The following CLCNKA variants were observed in gnomAD, a reference collection of about 807,000 sequenced individuals.
CLCNKA encodes the protein chloride voltage-gated channel Ka, also known as chloride channel protein ClC-Ka.
In CLCNKA, 66 loss-of-function variants were observed where a neutral mutation model predicts 83.3. That is an observed-to-expected ratio of 0.79 (90% CI 0.65 to 0.97). CLCNKA has a LOEUF of 0.97. Ranked by LOEUF, CLCNKA falls within the 50% of genes least tolerant of loss-of-function variation. The pLI, the probability that CLCNKA is intolerant of heterozygous loss-of-function variation, is 0.00. For missense variants in CLCNKA, 806 were observed against 888.7 expected, an observed-to-expected ratio of 0.91 and a Z score of 1.18; for synonymous variants, 357 against 370.4, an observed-to-expected ratio of 0.96 and a Z score of 0.42.
chr1:16,029,737 A>T lies in CLCNKA; in HGVS notation c.1234A>T (p.Met412Leu), dbSNP rs1040312520. 1 of 1,614,048 alleles carries T rather than the reference A, an allele frequency of 6.2e-7. No homozygotes were observed. Among genetic ancestry groups the T allele is most frequent in the Non-Finnish European group, 8.5e-7 (1 of 1,180,002 alleles). ...LAFFLVMKFW[M>L]LILATTIPMP... ...GGGCTCCCCCTTCCTGCAGTTCTGGATGCTGATTCTGGCCACCACCATCCC... is the reference window on the plus strand; with the variant it reads ...GGGCTCCCCCTTCCTGCAGTTCTGGTTGCTGATTCTGGCCACCACCATCCC... Residue 412 changes from methionine (M) to leucine (L), a missense_variant, in exon 13 of 20, where the codon ATG (methionine) becomes TTG (leucine). By Grantham distance (15) the Met-to-Leu change is conservative. Coordinates refer to ENST00000331433, the MANE Select transcript of CLCNKA (RefSeq NM_004070.4).
At chr1:16,027,180 C>A in intron 7 of CLCNKA, 130 bp from the exon 8 acceptor site, 1 of 1,371,168 alleles carries the variant, frequency 7.3e-7, no homozygotes, top group Non-Finnish European at 1.0e-6. Context: ...CCCTCCCCTT[C>A]TGTCTGTCCC....
At chr1:16,028,729 G>A (rs2022487721) in intron 10 of CLCNKA, 32 bp from the exon 11 acceptor site, 4 of 1,612,648 alleles carry the variant, frequency 2.5e-6, no homozygotes, top group African/African-American at 1.3e-5. Flanking sequence ...GGAAAGGGAG[G>A]GCCAGCCCTA....
chr1:16,033,851 A>G lies in CLCNKA; in HGVS notation c.*193A>G, dbSNP rs1176941101. Reference sequence around the variant, plus strand: ...GGGTGGGACGATGGCTCCTGCCTTGAAAGACAAAAATCCCACCTTGGGCAG... The same window carrying G: ...GGGTGGGACGATGGCTCCTGCCTTGGAAGACAAAAATCCCACCTTGGGCAG... On this transcript the variant is annotated 3_prime_UTR_variant, in exon 20 of 20. Coordinates refer to ENST00000331433, the MANE Select transcript of CLCNKA (RefSeq NM_004070.4). The G allele has an allele frequency of 1.5e-6, 1 of 676,484 alleles. No individual in the cohort carries two copies. The highest frequency in any genetic ancestry group is 2.7e-6 in the Non-Finnish European group (1 of 371,738). The allele number at this position is 676,484 out of a possible 1,614,324, so 41.9% of individuals were successfully genotyped here. A position where few individuals can be genotyped will look rare whatever the true frequency, so the allele number is the denominator to read the frequency against.
Position 16,033,843 on chromosome 1 carries a change from C to T in CLCNKA, c.*185C>T. The stretch of plus-strand genomic sequence containing the variant: ...CTCATCCTGGGTGGGACGATGGCTC[C>T]TGCCTTGAAAGACAAAAATCCCACC... On this transcript the variant is annotated 3_prime_UTR_variant, in exon 20 of 20. Transcript: ENST00000331433. The T allele has an allele frequency of 1.4e-6, 1 of 693,240 alleles. No individual in the cohort carries two copies. Among genetic ancestry groups the T allele is most frequent in the Non-Finnish European group, 2.6e-6 (1 of 384,334 alleles). 42.9% of individuals were successfully genotyped at this position (693,240 alleles called of 1,614,324 possible).
chr1:16,024,132 G>C (rs969665117), intron 3 of CLCNKA, among the ~76,000 whole-genome samples: 3 of 152,234 alleles, frequency 2.0e-5, no homozygotes, highest in East Asian at 1.9e-4. Context: ...ACAAGGAAGA[G>C]AGACCTGAAT....
intron 10 of CLCNKA, chr1:16,028,544 T>C (rs1489511397): frequency 1.0e-5 from 7 of 690,228 alleles, no homozygotes; most frequent in Non-Finnish European, 1.9e-5. Context: ...GTGATTCCTC[T>C]GCCCTCAGTC....
chr1:16,028,193 C>A, intron 10 of CLCNKA, 74 bp downstream of exon 10: 1 of 1,389,436 alleles, frequency 7.2e-7, no homozygotes, highest in Non-Finnish European at 1.0e-6. Flanking sequence ...TAGAAAGCCC[C>A]ACCCCCATCC....
intron 14 of CLCNKA, 67 bp from the exon 15 acceptor site, chr1:16,030,394 A>G: frequency 6.3e-7 from 1 of 1,582,034 alleles, no homozygotes; most frequent in Non-Finnish European, 8.7e-7. Context: ...CAGGCTAGTT[A>G]TTCCCTCACA....
intron 15 of CLCNKA, among the ~76,000 whole-genome samples, chr1:16,031,275 C>A (rs183959193): frequency 6.6e-6 from 1 of 152,340 alleles, no homozygotes; most frequent in East Asian, 1.9e-4. Flanking sequence ...GATTTTCAAC[C>A]TTCCAAGTTT....
intron 4 of CLCNKA, 74 bp from the exon 5 acceptor site, chr1:16,026,034 G>T: frequency 1.9e-6 from 3 of 1,600,314 alleles, no homozygotes; most frequent in Non-Finnish European, 2.6e-6. Flanking sequence ...GATTACAGGC[G>T]TGAGCCACTG....
intron 3 of CLCNKA, 54 bp from the exon 4 acceptor site, chr1:16,024,709 G>A: frequency 6.2e-7 from 1 of 1,610,436 alleles, no homozygotes; most frequent in South Asian, 1.1e-5. Context: ...ACAGTGTCTG[G>A]CCCTGAGGGC....
chr1:16,031,670 C>A lies in CLCNKA; in HGVS notation c.1623-40C>A, dbSNP rs1570311679. On this transcript the variant is annotated intron_variant, in intron 15 of 19. Coordinates refer to ENST00000331433, the MANE Select transcript of CLCNKA (RefSeq NM_004070.4). Reference sequence around the variant, plus strand: ...CCCCTTGCTGGCCTGGGTCTGACATCCCCGACTCCGGGACCTGATGGGAGC... The same window carrying A: ...CCCCTTGCTGGCCTGGGTCTGACATACCCGACTCCGGGACCTGATGGGAGC... 6 of 1,613,278 alleles carry A rather than the reference C, an allele frequency of 3.7e-6. No homozygotes were observed. In the East Asian group the frequency reaches 1.3e-4, roughly 36 times the overall value.
intron 4 of CLCNKA, 85 bp downstream of exon 4, chr1:16,024,976 T>C (rs919811470): frequency 9.6e-6 from 15 of 1,560,790 alleles, no homozygotes; most frequent in Non-Finnish European, 1.2e-5. Flanking sequence ...ATCGGGAAGC[T>C]GCAGCCTCAT....
chr1:16,033,760 A>G lies in CLCNKA; in HGVS notation c.*102A>G. 8.8e-7 allele frequency: 1 copy of G among 1,137,032 alleles called. No individual in the cohort carries two copies. Among genetic ancestry groups the G allele is most frequent in the South Asian group, 1.3e-5 (1 of 79,066 alleles). 70.4% of individuals were successfully genotyped at this position (1,137,032 alleles called of 1,614,324 possible). A position where few individuals can be genotyped will look rare whatever the true frequency, so the allele number is the denominator to read the frequency against. On this transcript the variant is annotated 3_prime_UTR_variant, in exon 20 of 20. Transcript: ENST00000331433. ...CCCATCACCACCTGCCCCTCCCTCC[A>G]GCCCAGCTCCATTCTTTGGCATAAC...
At chr1:16,033,108 G>A in intron 18 of CLCNKA, 62 bp from the exon 19 acceptor site, 1 of 1,542,084 alleles carries the variant, frequency 6.5e-7, no homozygotes, top group South Asian at 1.1e-5. Flanking sequence ...GTGGCAGAGT[G>A]GGCCAGAGGG....
chr1:16,030,339 A>G, intron 14 of CLCNKA, 122 bp from the exon 15 acceptor site: 1 of 1,252,838 alleles, frequency 8.0e-7, no homozygotes, highest in Non-Finnish European at 1.1e-6. Flanking sequence ...CACAGTGCCC[A>G]GGCTGTGGCC....
In CLCNKA at chr1:16,032,668, C is replaced by T. The variant is rs2022678887; in HGVS notation, c.1929+142C>T. ...CTGCTCCTCCTGGGCCTGGACAGGG[C>T]AGCTCCTGCCGTCGCCCCTCACTGC... is the stretch of plus-strand genomic sequence containing the variant. On this transcript the variant is annotated intron_variant, in intron 18 of 19. Coordinates refer to ENST00000331433, the MANE Select transcript of CLCNKA (RefSeq NM_004070.4). 4 of 705,802 alleles carry T rather than the reference C, an allele frequency of 5.7e-6. No homozygotes were observed. In the East Asian group the frequency reaches 1.0e-4, roughly 18 times the overall value. 43.7% of individuals were successfully genotyped at this position (705,802 alleles called of 1,614,324 possible). A position where few individuals can be genotyped will look rare whatever the true frequency, so the allele number is the denominator to read the frequency against.
intron 8 of CLCNKA, among the ~76,000 whole-genome samples, 186 bp from the exon 9 acceptor site, chr1:16,027,635 G>C (rs1254997029): frequency 6.6e-6 from 1 of 152,202 alleles, no homozygotes; most frequent in East Asian, 1.9e-4. Context: ...GGGGCAAGGG[G>C]CCCTGAGGGT....
intron 15 of CLCNKA, among the ~76,000 whole-genome samples, chr1:16,031,173 C>G (rs1392257670): frequency 6.6e-6 from 1 of 152,208 alleles, no homozygotes; most frequent in Non-Finnish European, 1.5e-5. Flanking sequence ...CTCTGAGAGT[C>G]CGAATCGGAG....
Sources: allele counts gnomAD v4.1 joint callset (sites outside exome capture counted in the v4.1 genomes callset), GRCh38; gene constraint gnomAD v4.1.1; transcripts MANE v1.5; gene names NCBI Gene and HGNC (gene_info 2026-07-23, HGNC 2026-07-21).